The following GRAMD1C variants were observed in gnomAD, a reference collection of about 807,000 sequenced individuals.
GRAMD1C encodes the protein protein Aster-C.
GRAMD1C carries 89 observed loss-of-function variants against 97.8 expected under a neutral mutation model. That is an observed-to-expected ratio of 0.91 (90% CI 0.77 to 1.09). The LOEUF is 1.09. GRAMD1C is among the 50% of genes least tolerant of loss of function. The probability of loss-of-function intolerance (pLI) is 0.00; values close to 1 mark genes in which losing one functional copy is unlikely to be tolerated. For missense variants in GRAMD1C, 740 were observed against 766.4 expected (o/e 0.97, Z 0.41); for synonymous variants, 256 against 267.0 (o/e 0.96, Z 0.40).
intron 6 of GRAMD1C, among the ~76,000 whole-genome samples, chr3:113,891,957 C>A (rs910459533): frequency 2.6e-5 from 4 of 151,570 alleles, no homozygotes; most frequent in African/African-American, 7.3e-5. Flanking sequence ...GTATGTGTTA[C>A]TTCTGCTTGC....
chr3:113,911,704 C>CTTCCTTCCTTCTTTCTT (rs1462155852), intron 9 of GRAMD1C, among the ~76,000 whole-genome samples: 1 of 66,864 alleles, frequency 1.5e-5, no homozygotes, highest in Admixed American at 1.4e-4. Flanking sequence ...TCTTTCCTTC[C>CTTCCTTCCTTCTTTCTT]TTCCTTCCTT....
chr3:113,898,314 A>C (rs1262976793), intron 6 of GRAMD1C, among the ~76,000 whole-genome samples: 1 of 152,110 alleles, frequency 6.6e-6, no homozygotes, highest in Non-Finnish European at 1.5e-5. Flanking sequence ...TATTTAAGAA[A>C]AGTTTTTATA....
In GRAMD1C at chr3:113,939,933, C is replaced by CA; in HGVS notation, c.1742dup (p.Ile582AspfsTer24). 3 of 1,610,648 alleles carry CA rather than the reference C, an allele frequency of 1.9e-6. No individual in the cohort carries two copies. The highest frequency in any genetic ancestry group is 2.5e-6 in the Non-Finnish European group (3 of 1,176,884). On this transcript the variant is annotated frameshift_variant, in exon 16 of 18. Coordinates refer to ENST00000358160, the MANE Select transcript of GRAMD1C (RefSeq NM_017577.5). LOFTEE classifies it high-confidence loss of function. Reference sequence around the variant, plus strand: ...AATGTGACACTGTTTCTGAAGCTGTCAAAGATAGAACATGCTGCTCAGTCC... The same window carrying CA: ...AATGTGACACTGTTTCTGAAGCTGTCAAAAGATAGAACATGCTGCTCAGTCC...
Position 113,939,877 on chromosome 3 carries a change from T to C in GRAMD1C, c.1692-9T>C. The stretch of plus-strand genomic sequence containing the variant: ...AAGTGTGGATTAACATATAATTTGC[T>C]CTGCCTAGTGTGTTGTTATTAGTTT... On this transcript the variant is annotated splice_polypyrimidine_tract_variant and intron_variant, in intron 15 of 17. Transcript: ENST00000358160. 7.0e-7 allele frequency: 1 copy of C among 1,437,630 alleles called. No individual in the cohort carries two copies. Among genetic ancestry groups the C allele is most frequent in the South Asian group, 1.1e-5 (1 of 87,134 alleles). The allele number at this position is 1,437,630 out of a possible 1,614,324, so 89.1% of individuals were successfully genotyped here. A position where few individuals can be genotyped will look rare whatever the true frequency, so the allele number is the denominator to read the frequency against.
intron 2 of GRAMD1C, among the ~76,000 whole-genome samples, chr3:113,866,752 T>C (rs1454694341): frequency 2.0e-5 from 3 of 152,196 alleles, no homozygotes; most frequent in African/African-American, 7.2e-5. Context: ...TGCTAAAATA[T>C]TGAACCTTTG....
intron 1 of GRAMD1C, among the ~76,000 whole-genome samples, chr3:113,832,162 G>A (rs182156816): frequency 5.3e-5 from 8 of 152,056 alleles, no homozygotes; most frequent in Admixed American, 4.6e-4. Context: ...TCAGCCTCAC[G>A]AACTACAGGC....
At chr3:113,897,245 A>G (rs1935982388) in intron 6 of GRAMD1C, among the ~76,000 whole-genome samples, 1 of 152,208 alleles carries the variant, frequency 6.6e-6, no homozygotes, top group Non-Finnish European at 1.5e-5. Flanking sequence ...ATTGCATAGA[A>G]ATTACTAGCA....
intron 17 of GRAMD1C, among the ~76,000 whole-genome samples, chr3:113,940,704 G>T (rs899097307): frequency 1.1e-4 from 17 of 152,014 alleles, no homozygotes; most frequent in Non-Finnish European, 2.5e-4. Flanking sequence ...AGGAATGGTA[G>T]CTATTACATA....
At chr3:113,942,102 C>T (rs185911669) in intron 17 of GRAMD1C, among the ~76,000 whole-genome samples, 37 of 151,720 alleles carry the variant, frequency 2.4e-4, no homozygotes, top group South Asian at 1.9e-3. Context: ...TTTGTAGAGA[C>T]AAGGTTTTGC....
At chr3:113,866,864 T>A (rs896974365) in intron 2 of GRAMD1C, among the ~76,000 whole-genome samples, 2 of 151,788 alleles carry the variant, frequency 1.3e-5, no homozygotes, top group Non-Finnish European at 2.9e-5. Context: ...AGTCTCACTC[T>A]GTTGCCCAGG....
intron 17 of GRAMD1C, among the ~76,000 whole-genome samples, chr3:113,943,848 A>C (rs2107389513): frequency 6.6e-6 from 1 of 152,312 alleles, no homozygotes; most frequent in South Asian, 2.1e-4. Flanking sequence ...CAGGAGGCGG[A>C]GGTTGCAGTG....
intron 8 of GRAMD1C, 29 bp downstream of exon 8, chr3:113,904,301 T>G: frequency 7.1e-7 from 1 of 1,418,244 alleles, no homozygotes; most frequent in South Asian, 1.2e-5. Flanking sequence ...TTTTAAAATA[T>G]ATCTGGTACT....
intron 2 of GRAMD1C, among the ~76,000 whole-genome samples, chr3:113,864,125 A>G (rs1407102038): frequency 6.6e-6 from 1 of 152,032 alleles, no homozygotes; most frequent in Admixed American, 6.6e-5. Flanking sequence ...ACTTTATTTT[A>G]ATTTTGAGAT....
upstream of GRAMD1C, among the ~76,000 whole-genome samples, chr3:113,834,939 CAAAA>C (rs58338279): frequency 3.2e-5 from 4 of 126,034 alleles, no homozygotes; most frequent in Admixed American, 8.1e-5. Context: ...AACTCCGTCT[CAAAA>C]AAAAAAAAAA....
At chr3:113,899,525 G>C (rs1421625013) in intron 6 of GRAMD1C, among the ~76,000 whole-genome samples, 1 of 152,148 alleles carries the variant, frequency 6.6e-6, no homozygotes, top group Non-Finnish European at 1.5e-5. Flanking sequence ...ATTCTCCTTA[G>C]CATCTAGTGC....
intron 3 of GRAMD1C, among the ~76,000 whole-genome samples, chr3:113,874,839 T>G (rs1399086245): frequency 6.6e-6 from 1 of 152,204 alleles, no homozygotes; most frequent in Non-Finnish European, 1.5e-5. Flanking sequence ...CATCAACTTT[T>G]CTCTGGACTT....
chr3:113,857,265 CT>C (rs1206713025), intron 2 of GRAMD1C, among the ~76,000 whole-genome samples: 1 of 152,054 alleles, frequency 6.6e-6, no homozygotes, highest in African/African-American at 2.4e-5. Flanking sequence ...ACATTCTTGC[CT>C]TTTTTCTGAT....
intron 6 of GRAMD1C, chr3:113,885,340 G>GC: frequency 6.3e-7 from 1 of 1,591,708 alleles, no homozygotes; most frequent in Non-Finnish European, 8.6e-7. Flanking sequence ...CACGTTCGTG[G>GC]CCTTCGCTGC....
intron 2 of GRAMD1C, among the ~76,000 whole-genome samples, chr3:113,862,583 C>T (rs925084896): frequency 1.4e-4 from 22 of 152,086 alleles, no homozygotes; most frequent in East Asian, 5.8e-4. Flanking sequence ...GTGCAGTTAA[C>T]GCAATCATCA....
Sources: gnomAD v4.1 joint callset for allele counts (sites outside exome capture counted in the v4.1 genomes callset) on GRCh38, gnomAD v4.1.1 for gene constraint, MANE v1.5 for transcripts, NCBI Gene and HGNC (gene_info 2026-07-23, HGNC 2026-07-21) for gene names.